Variants in MYO16 observed in about 807,000 individuals in gnomAD.
The protein encoded by MYO16 is myosin XVI, also known as unconventional myosin-XVI.
In MYO16, 94 loss-of-function variants were observed where a neutral mutation model predicts 205.3. The observed-to-expected ratio is 0.46, with a 90% CI of 0.39 to 0.54. MYO16 has a LOEUF of 0.54. Among genes scored for constraint, MYO16 ranks in the 20% least tolerant of loss-of-function variants. The probability of loss-of-function intolerance (pLI) is 0.00; values close to 1 mark genes in which losing one functional copy is unlikely to be tolerated. For synonymous variants in MYO16, 988 were observed against 954.0 expected (o/e 1.04, Z -0.66); for missense variants, 2,315 against 2,387.5 (o/e 0.97, Z 0.63).
At chr13:108,832,959 G>C (rs184254422) in intron 9 of MYO16, among the ~76,000 whole-genome samples, 50 of 152,188 alleles carry the variant, frequency 3.3e-4, no homozygotes, top group Admixed American at 6.5e-4. Flanking sequence ...TGCACAAAGA[G>C]AAATGTCATA....
chr13:108,666,022 G>A lies in MYO16; in HGVS notation c.165G>A (p.Glu55=), dbSNP rs117770145. The A allele has an allele frequency of 3.2e-3, 5,178 of 1,614,144 alleles. 94 individuals carry two copies. The South Asian group carries it at 0.033, about 10-fold the overall frequency. Residue 55 remains glutamate (E), a synonymous_variant, in exon 2 of 35, where the codon GAG becomes GAA. Coordinates refer to ENST00000457511, the MANE Select transcript of MYO16 (RefSeq NM_001198950.3). The part of the protein sequence containing the change: ...MRCEQIKAYY[E]REKAFQKQEG... ...GTGAGCAAATCAAAGCCTACTATGAGCGCGAGAAGGCTTTTCAGAAGCAGG... is the reference window on the plus strand; with the variant it reads ...GTGAGCAAATCAAAGCCTACTATGAACGCGAGAAGGCTTTTCAGAAGCAGG...
intron 9 of MYO16, among the ~76,000 whole-genome samples, chr13:108,842,117 A>C (rs1309935990): frequency 6.6e-6 from 1 of 152,144 alleles, no homozygotes; most frequent in African/African-American, 2.4e-5. Flanking sequence ...TAAACCTCAA[A>C]AAAAATCAAG....
At chr13:108,624,463 G>A (rs1879657230) in intron 1 of MYO16, among the ~76,000 whole-genome samples, 1 of 152,130 alleles carries the variant, frequency 6.6e-6, no homozygotes, top group African/African-American at 2.4e-5. Context: ...AACCTAGGTA[G>A]AGTCATACAG....
At chr13:108,625,067 A>T (rs544574388), upstream of MYO16, among the ~76,000 whole-genome samples, 2 of 152,272 alleles carry the variant, frequency 1.3e-5, no homozygotes, top group Middle Eastern at 6.8e-3. Context: ...GCCCTCTGAC[A>T]TGGAGAGGGC....
At chr13:108,851,839 C>T (rs1185042189) in intron 10 of MYO16, among the ~76,000 whole-genome samples, 5 of 152,142 alleles carry the variant, frequency 3.3e-5, no homozygotes, top group Non-Finnish European at 7.4e-5. Context: ...TCCCCATGCT[C>T]AGTCCCCTCC....
chr13:108,921,628 C>T (rs987346471), intron 16 of MYO16, among the ~76,000 whole-genome samples: 3 of 152,162 alleles, frequency 2.0e-5, no homozygotes, highest in African/African-American at 4.8e-5. Context: ...CCTATAAAAT[C>T]GAATCTTCCA....
At chr13:109,137,325 G>T (rs919397366) in intron 31 of MYO16, among the ~76,000 whole-genome samples, 3 of 152,226 alleles carry the variant, frequency 2.0e-5, no homozygotes, top group African/African-American at 7.2e-5. Flanking sequence ...CTGGGGCAGA[G>T]ACAGAGACCC....
In MYO16 at chr13:109,171,215, A is replaced by G. The variant is rs79207476; in HGVS notation, c.5323+6156A>G. Among the ~76,000 whole-genome samples, 1,081 of 152,294 alleles carry G rather than the reference A, an allele frequency of 7.1e-3. 34 individuals are homozygous for G. In the East Asian group the frequency reaches 0.08, roughly 11 times the overall value. ...CCATACAGAGGGCAGAGTCAGAAAA[A>G]CTGCCTCGTCAGTATTATAGAAATT... On this transcript the variant is annotated intron_variant, in intron 33 of 34. Coordinates refer to ENST00000457511, the MANE Select transcript of MYO16 (RefSeq NM_001198950.3).
intron 27 of MYO16, among the ~76,000 whole-genome samples, chr13:109,073,959 G>A (rs922375824): frequency 1.3e-5 from 2 of 152,110 alleles, no homozygotes; most frequent in South Asian, 2.1e-4. Context: ...TTTGCACCAC[G>A]GGAAGGTACT....
At chr13:109,021,973 C>T (rs542368415) in intron 23 of MYO16, among the ~76,000 whole-genome samples, 1 of 151,404 alleles carries the variant, frequency 6.6e-6, no homozygotes, top group South Asian at 2.1e-4. Context: ...TAAACAGGAG[C>T]TTTGAGAGGC....
At chr13:109,155,723 G>A (rs1333634765) in intron 32 of MYO16, among the ~76,000 whole-genome samples, 3 of 152,080 alleles carry the variant, frequency 2.0e-5, no homozygotes, top group Non-Finnish European at 2.9e-5. Flanking sequence ...TTTTCAAAAG[G>A]CAATTAGAAT....
chr13:108,988,846 A>G (rs1884726711), intron 20 of MYO16, among the ~76,000 whole-genome samples: 3 of 152,154 alleles, frequency 2.0e-5, no homozygotes, highest in Admixed American at 2.0e-4. Context: ...GTGGATAGAG[A>G]GGCATCTGTG....
intron 1 of MYO16, among the ~76,000 whole-genome samples, chr13:108,611,259 T>G (rs1011237511): frequency 2.0e-5 from 3 of 152,144 alleles, no homozygotes; most frequent in Non-Finnish European, 4.4e-5. Context: ...TCTGCTCTAT[T>G]GTTTTCAGTT....
intron 2 of MYO16, among the ~76,000 whole-genome samples, chr13:108,685,354 T>C (rs1276573387): frequency 1.3e-5 from 2 of 152,146 alleles, no homozygotes; most frequent in Non-Finnish European, 2.9e-5. Context: ...TGGTCAGAAG[T>C]ACTGGCTACA....
chr13:108,718,070 T>A lies in MYO16; in HGVS notation c.363+5339T>A, dbSNP rs555842928. On this transcript the variant is annotated intron_variant, in intron 3 of 34. Transcript: ENST00000457511. Reference sequence around the variant, plus strand: ...CCATCAGTTTCTCTAAAGGCTTGCATGCTATAAGAAGCAGAGATAATTAGC... The same window carrying A: ...CCATCAGTTTCTCTAAAGGCTTGCAAGCTATAAGAAGCAGAGATAATTAGC... Among the ~76,000 whole-genome samples the A allele has an allele frequency of 1.4e-4, 22 of 152,310 alleles. No homozygotes were observed. The South Asian group carries it at 3.3e-3, about 23-fold the overall frequency.
At chr13:109,008,859 C>G (rs774088797) in intron 21 of MYO16, 38 bp from the exon 22 acceptor site, 4 of 1,591,070 alleles carry the variant, frequency 2.5e-6, no homozygotes. Flanking sequence ...CACTACTGTA[C>G]TATCTGGTGA....
intron 28 of MYO16, among the ~76,000 whole-genome samples, chr13:109,109,447 CT>C (rs1178532185): frequency 1.3e-5 from 2 of 152,186 alleles, no homozygotes; most frequent in East Asian, 3.9e-4. Flanking sequence ...AGAACATGAC[CT>C]GATTTATGCT....
Position 108,986,447 on chromosome 13 carries a change from A to G in MYO16, c.2370-5929A>G, listed in dbSNP as rs138772354. ...AGACCAGCCTGGCCAACATGGAGAA[A>G]CTCTGTCTCTACTAAAAAAACAAAA... On this transcript the variant is annotated intron_variant, in intron 20 of 34. Coordinates refer to ENST00000457511, the MANE Select transcript of MYO16 (RefSeq NM_001198950.3). Among the ~76,000 whole-genome samples, 159 of 151,808 alleles carry G rather than the reference A, an allele frequency of 1.0e-3. 1 individual carries two copies. Among genetic ancestry groups the G allele is most frequent in the African/African-American group, 3.4e-3 (141 of 41,420 alleles).
intron 32 of MYO16, among the ~76,000 whole-genome samples, chr13:109,148,903 C>T (rs1189603722): frequency 6.6e-6 from 1 of 152,182 alleles, no homozygotes; most frequent in Non-Finnish European, 1.5e-5. Context: ...GGGTAATAGA[C>T]ACTGCAGGCC....
Sources: allele counts gnomAD v4.1 joint callset (sites outside exome capture counted in the v4.1 genomes callset), GRCh38; gene constraint gnomAD v4.1.1; transcripts MANE v1.5; gene names NCBI Gene and HGNC (gene_info 2026-07-23, HGNC 2026-07-21).